The following ATXN7 variants were observed in gnomAD, a reference collection of about 807,000 sequenced individuals.
ATXN7 encodes ataxin-7.
In ATXN7, 12 loss-of-function variants were observed where a neutral mutation model predicts 70.5. That is an observed-to-expected ratio of 0.17 (90% CI 0.11 to 0.28). The LOEUF (loss-of-function observed/expected upper bound fraction) is 0.28, where lower values mean the gene tolerates loss of function less well. ATXN7 is among the 10% of genes least tolerant of loss of function. The pLI is 1.00. For synonymous variants in ATXN7, 498 were observed against 448.7 expected (o/e 1.11, Z -1.39); for missense variants, 1,256 against 1,131.7 (o/e 1.11, Z -1.58).
At position 63,996,332 on chromosome 3, in the gene ATXN7, G is replaced by A; in HGVS notation, c.2510G>A (p.Arg837Lys). The change falls in exon 12 of 13, where the codon AGA (arginine) becomes AAA (lysine). Residue 837 changes from arginine to lysine, a missense_variant. Coordinates refer to ENST00000674280, the MANE Select transcript of ATXN7 (RefSeq NM_001377405.1). ...TPLDKLIGKK[R>K]KCSPSSSSIN... ...CTAGACAAACTCATAGGAAAGAAAA[G>A]AAAGTGCTCACCCAGCTCGAGCAGC... 1.2e-6 allele frequency: 2 copies of A among 1,614,148 alleles called. No individual in the cohort carries two copies. Among genetic ancestry groups the A allele is most frequent in the Non-Finnish European group, 1.7e-6 (2 of 1,180,022 alleles).
At chr3:63,943,930 C>G (rs1349971878) in intron 4 of ATXN7, among the ~76,000 whole-genome samples, 3 of 152,194 alleles carry the variant, frequency 2.0e-5, no homozygotes, top group Non-Finnish European at 4.4e-5. Context: ...AATACACATT[C>G]ATGGCAGAGT....
intron 2 of ATXN7, among the ~76,000 whole-genome samples, chr3:63,906,895 C>T (rs1230073421): frequency 6.6e-6 from 1 of 152,004 alleles, no homozygotes; most frequent in African/African-American, 2.4e-5. Context: ...CAAGGGCAAA[C>T]TGTAGAGGAC....
At chr3:63,923,498 C>T (rs1352209243) in intron 4 of ATXN7, among the ~76,000 whole-genome samples, 1 of 152,104 alleles carries the variant, frequency 6.6e-6, no homozygotes, top group Non-Finnish European at 1.5e-5. Context: ...GAGCTGAGAC[C>T]AGAATGCCGA....
At chr3:63,954,745 G>A (rs1278085210) in intron 5 of ATXN7, among the ~76,000 whole-genome samples, 2 of 122,866 alleles carry the variant, frequency 1.6e-5, no homozygotes, top group Admixed American at 2.1e-4. Flanking sequence ...GTCTCGCTCT[G>A]TCACCCAAGC....
At chr3:63,963,068 A>C (rs577015456) in intron 5 of ATXN7, among the ~76,000 whole-genome samples, 131 of 151,926 alleles carry the variant, frequency 8.6e-4, no homozygotes, top group African/African-American at 3.1e-3. Flanking sequence ...GGCACACGCC[A>C]CCACACCTAG....
rs568755327 is a variant in ATXN7 at position 63,895,085 on chromosome 3, G to T, written c.-110-3314G>T. Among the ~76,000 whole-genome samples, 21 of 152,254 alleles carry T rather than the reference G, an allele frequency of 1.4e-4. No homozygotes were observed. The South Asian group carries it at 3.5e-3, about 26-fold the overall frequency. On this transcript the variant is annotated intron_variant, in intron 1 of 12. Coordinates refer to ENST00000674280, the MANE Select transcript of ATXN7 (RefSeq NM_001377405.1). ...ATGCCCTCTCCAAGAACCTAGGGTGGCAGTCTCACGTTAAAGCTTGGCGAT... is the reference window on the plus strand; with the variant it reads ...ATGCCCTCTCCAAGAACCTAGGGTGTCAGTCTCACGTTAAAGCTTGGCGAT...
chr3:63,992,227 T>TA (rs1327940296), intron 11 of ATXN7, among the ~76,000 whole-genome samples: 5 of 152,214 alleles, frequency 3.3e-5, no homozygotes, highest in African/African-American at 9.7e-5. Context: ...TAGCAGGACT[T>TA]ACATCCGTTT....
intron 5 of ATXN7, among the ~76,000 whole-genome samples, chr3:63,971,422 T>C (rs2075310925): frequency 6.6e-6 from 1 of 152,114 alleles, no homozygotes; most frequent in Non-Finnish European, 1.5e-5. Flanking sequence ...CATAAAGAAA[T>C]TGGATCAAAG....
At chr3:63,898,663 C>A (rs1703519406) in intron 2 of ATXN7, among the ~76,000 whole-genome samples, 166 bp downstream of exon 2, 1 of 152,126 alleles carries the variant, frequency 6.6e-6, no homozygotes, top group African/African-American at 2.4e-5. Flanking sequence ...AATAAAATGA[C>A]AATGAGTTTA....
At position 63,990,702 on chromosome 3, in the gene ATXN7, G is replaced by A. The variant is rs771249406; in HGVS notation, c.1561-36G>A. On this transcript the variant is annotated intron_variant, in intron 10 of 12. Transcript: ENST00000674280. Reference sequence around the variant, plus strand: ...ACCCTGACTGGGCATGCCAGTGTGGGAGTCAGCAAGCACGCGGCTATGTTT... The same window carrying A: ...ACCCTGACTGGGCATGCCAGTGTGGAAGTCAGCAAGCACGCGGCTATGTTT... 5.0e-6 allele frequency: 8 copies of A among 1,613,804 alleles called. No homozygotes were observed. The South Asian group carries it at 7.7e-5, about 16-fold the overall frequency.
At chr3:63,865,346 C>T (rs1450315725) in intron 1 of ATXN7, 1 of 152,170 alleles carries the variant, frequency 6.6e-6, no homozygotes, top group African/African-American at 2.4e-5. Flanking sequence ...AATTACTTTA[C>T]ATGAAGATTC....
chr3:63,996,758 C>T, intron 12 of ATXN7: 2 of 445,258 alleles, frequency 4.5e-6, no homozygotes, highest in Non-Finnish European at 4.0e-6. Context: ...CTGCAGAAAG[C>T]ATCGGTTGTG....
intron 5 of ATXN7, among the ~76,000 whole-genome samples, chr3:63,964,080 AC>A (rs2075178645): frequency 7.8e-6 from 1 of 127,982 alleles, no homozygotes; most frequent in Admixed American, 7.2e-5. Flanking sequence ...ATAAACACAC[AC>A]ACACACACAC....
Position 63,996,254 on chromosome 3 carries a change from C to T in ATXN7, c.2432C>T (p.Ser811Phe), listed in dbSNP as rs756888431. 3 of 1,614,172 alleles carry T rather than the reference C, an allele frequency of 1.9e-6. No individual in the cohort carries two copies. The highest frequency in any genetic ancestry group is 1.7e-5 in the Admixed American group (1 of 60,024). Residue 811 changes from serine (S) to phenylalanine (F), a missense_variant, in exon 12 of 13, where the codon TCC becomes TTC. Physicochemically the swap from Ser to Phe is radical, Grantham distance 155. Coordinates refer to ENST00000674280, the MANE Select transcript of ATXN7 (RefSeq NM_001377405.1). ...TLSLGPFIHQ[S>F]NELPVNSHGS... ...TCTCTTGGGCCATTCATTCACCAGT[C>T]CAATGAACTGCCTGTCAACTCCCAC...
chr3:63,928,713 C>G (rs1225662566), intron 4 of ATXN7, among the ~76,000 whole-genome samples: 1 of 152,194 alleles, frequency 6.6e-6, no homozygotes, highest in African/African-American at 2.4e-5. Flanking sequence ...TGGTCTGGCT[C>G]ACCCCATGGC....
chr3:63,920,282 A>C (rs1040374948), intron 4 of ATXN7, among the ~76,000 whole-genome samples: 2 of 152,142 alleles, frequency 1.3e-5, no homozygotes, highest in African/African-American at 2.4e-5. Flanking sequence ...TGTAAACTCT[A>C]ATCTCAGGAG....
At chr3:63,923,121 G>C (rs1050134469) in intron 4 of ATXN7, among the ~76,000 whole-genome samples, 5 of 152,156 alleles carry the variant, frequency 3.3e-5, no homozygotes, top group African/African-American at 9.7e-5. Flanking sequence ...ACTGCCTTGA[G>C]AATCCTCTGA....
chr3:63,996,560 T>A, intron 12 of ATXN7, 77 bp downstream of exon 12: 1 of 1,513,796 alleles, frequency 6.6e-7, no homozygotes, highest in Non-Finnish European at 8.9e-7. Context: ...CAGAAATGTG[T>A]TTGGTTGGGT....
intron 5 of ATXN7, among the ~76,000 whole-genome samples, chr3:63,955,283 C>A (rs1461808986): frequency 6.6e-6 from 1 of 152,106 alleles, no homozygotes; most frequent in Non-Finnish European, 1.5e-5. Context: ...GAGTTCCTGG[C>A]AGAAAGATGA....
Sources: allele counts gnomAD v4.1 joint callset (sites outside exome capture counted in the v4.1 genomes callset), GRCh38; gene constraint gnomAD v4.1.1; transcripts MANE v1.5; gene names NCBI Gene and HGNC (gene_info 2026-07-23, HGNC 2026-07-21).